Variants in SYNJ2 observed in about 807,000 individuals in gnomAD.
SYNJ2 encodes the protein polyphosphatidylinositol phosphatase SYNJ2.
SYNJ2 carries 116 observed loss-of-function variants against 141.3 expected under a neutral mutation model. That is an observed-to-expected ratio of 0.82 (90% confidence interval 0.71 to 0.96). SYNJ2 has a LOEUF of 0.96. Among genes scored for constraint, SYNJ2 ranks in the 40% least tolerant of loss-of-function variants. The probability of loss-of-function intolerance (pLI) is 0.00; values close to 1 mark genes in which losing one functional copy is unlikely to be tolerated. For synonymous variants in SYNJ2, 745 were observed against 777.7 expected (o/e 0.96, Z 0.70); for missense variants, 1,873 against 1,934.8 (o/e 0.97, Z 0.60).
At chr6:158,072,586 C>T (rs544571371) in intron 15 of SYNJ2, among the ~76,000 whole-genome samples, 2 of 152,208 alleles carry the variant, frequency 1.3e-5, no homozygotes, top group Non-Finnish European at 2.9e-5. Context: ...TTAAAACTGA[C>T]GTCCCATTTT....
chr6:158,090,615 G>C (rs369484005), intron 25 of SYNJ2, among the ~76,000 whole-genome samples: 2 of 141,252 alleles, frequency 1.4e-5, no homozygotes. Flanking sequence ...CTCAATCCCA[G>C]GTCACTGCAA....
chr6:158,047,909 G>A (rs530678655), intron 5 of SYNJ2, among the ~76,000 whole-genome samples: 22 of 151,640 alleles, frequency 1.5e-4, no homozygotes, highest in Non-Finnish European at 2.6e-4. Context: ...GGTGGCATCC[G>A]GAGAAGCATG....
rs928604184 is a variant in SYNJ2, at chr6:158,071,208, G to A, written c.1941-394G>A. On this transcript the variant is annotated intron_variant, in intron 14 of 26. Transcript: ENST00000355585. This position sits in a 1 kb window ranked among gnomAD's most constrained non-coding sequence, Gnocchi z 4.3. ...AAAATAACAATAATAATTTAAAAAT[G>A]TGTTGATTGCCCAGATGACACCTCC... Among the ~76,000 whole-genome samples, 1 of 152,110 alleles carries A rather than the reference G, an allele frequency of 6.6e-6. No individual in the cohort carries two copies. The highest frequency in any genetic ancestry group is 1.9e-4 in the East Asian group (1 of 5,186).
intron 2 of SYNJ2, among the ~76,000 whole-genome samples, chr6:158,022,053 C>T (rs147267147): frequency 0.01 from 1,536 of 152,268 alleles, 14 homozygotes; most frequent in African/African-American, 0.03. Flanking sequence ...AGAAGGGAGG[C>T]GGGAGAAGGC....
At chr6:158,077,838 T>C (rs1782412779) in intron 17 of SYNJ2, 1 of 199,460 alleles carries the variant, frequency 5.0e-6, no homozygotes, top group Non-Finnish European at 1.0e-5. Flanking sequence ...CCTGCAGCTC[T>C]TACCATACCA....
intron 12 of SYNJ2, chr6:158,067,569 GT>G (rs1159355606): frequency 1.0e-6 from 1 of 985,250 alleles, no homozygotes; most frequent in African/African-American, 1.7e-5. Flanking sequence ...TTGTTTGTTT[GT>G]TTTTTGTTTT....
At position 158,063,659 on chromosome 6, in the gene SYNJ2, C is replaced by CAAAAA. The variant is rs71298907; in HGVS notation, c.1128-108_1128-104dup. 1.9e-3 allele frequency: 363 copies of CAAAAA among 188,682 alleles called. 1 individual carries two copies. The highest frequency in any genetic ancestry group is 2.4e-3 in the South Asian group (71 of 29,580). 11.7% of individuals were successfully genotyped at this position (188,682 alleles called of 1,614,324 possible). ...GGGTGACAGAGGTGAGACTCTGTCT[C>CAAAAA]AAAAAAAAAAAAAAAAAAAAAAAAA... On this transcript the variant is annotated intron_variant, in intron 8 of 26. Transcript: ENST00000355585.
At chr6:158,094,123 T>C (rs1783650889) in intron 26 of SYNJ2, 1 of 644,656 alleles carries the variant, frequency 1.6e-6, no homozygotes, top group Non-Finnish European at 2.8e-6. Context: ...TTGACAGCGC[T>C]TGCTTTGTAT....
Position 158,084,110 on chromosome 6 carries a change from A to T in SYNJ2, c.3144A>T (p.Thr1048=). ...ACCTCTCTGATGTCCCCGGCCCCAC[A>T]GCACTGGCTCCTCCCAGCAAGTCAC... ...GDDLSDVPGP[T]ALAPPSKSPA... Residue 1048 remains threonine, a synonymous_variant, in exon 22 of 27, where the codon ACA becomes ACT. Transcript: ENST00000355585. This position sits in a 1 kb window ranked among gnomAD's most constrained non-coding sequence, Gnocchi z 5.0. 1 of 1,614,166 alleles carries T rather than the reference A, an allele frequency of 6.2e-7. No homozygotes were observed. The highest frequency in any genetic ancestry group is 8.5e-7 in the Non-Finnish European group (1 of 1,180,018).
At chr6:158,021,266 A>G (rs1286009944) in intron 2 of SYNJ2, among the ~76,000 whole-genome samples, 1 of 152,152 alleles carries the variant, frequency 6.6e-6, no homozygotes, top group Non-Finnish European at 1.5e-5. Flanking sequence ...TAAATTCTCT[A>G]GCAGACAGCC....
chr6:158,066,403 T>C (rs970288173), intron 11 of SYNJ2, 41 bp from the exon 12 acceptor site: 28 of 1,610,426 alleles, frequency 1.7e-5, no homozygotes, highest in Non-Finnish European at 2.2e-5. Flanking sequence ...GCCTGAGCTT[T>C]GGAACTGCAA....
rs1361933584 is a variant in SYNJ2 at position 158,078,300 on chromosome 6, T to C, written c.2567+19T>C. 6.4e-7 allele frequency: 1 copy of C among 1,555,262 alleles called. No individual in the cohort carries two copies. The highest frequency in any genetic ancestry group is 1.7e-5 in the Admixed American group (1 of 59,644). ...ATCACAGGTGAGGTCCTGACTTCCA[T>C]GGCGTTTTCTCCTGTGCTGGGCAAG... On this transcript the variant is annotated intron_variant, in intron 18 of 26. Coordinates refer to ENST00000355585, the MANE Select transcript of SYNJ2 (RefSeq NM_003898.4).
intron 26 of SYNJ2, among the ~76,000 whole-genome samples, chr6:158,093,457 A>AAAAAAAC (rs1783604264): frequency 6.6e-6 from 1 of 151,324 alleles, no homozygotes; most frequent in African/African-American, 2.5e-5. Flanking sequence ...AAACAAAAAA[A>AAAAAAAC]AAAAAACAGA....
In SYNJ2 at chr6:158,083,486, C is replaced by T. The variant is rs201799213; in HGVS notation, c.2923C>T (p.Arg975Ter). ...PKTKDWLKGL[R>*]EEIIRKRDSM... The stretch of plus-strand genomic sequence containing the variant: ...GACCAAGGACTGGCTGAAAGGTTTG[C>T]GAGAGGAGATCATTCGGAAACGAGA... Residue 975 changes from arginine to a stop codon, truncating the protein, a stop_gained, in exon 21 of 27, where the codon CGA (arginine) becomes TGA (stop). Transcript: ENST00000355585. LOFTEE classifies it high-confidence loss of function. 37 of 1,613,978 alleles carry T rather than the reference C, an allele frequency of 2.3e-5. No individual in the cohort carries two copies. Among genetic ancestry groups the T allele is most frequent in the Admixed American group, 3.3e-5 (2 of 59,998 alleles).
At chr6:158,093,832 C>A in intron 26 of SYNJ2, 2 of 751,992 alleles carry the variant, frequency 2.7e-6, no homozygotes, top group South Asian at 1.4e-5. Flanking sequence ...CACATGCTCT[C>A]GTGCGGCCTC....
chr6:158,085,848 C>T (rs1243030260), intron 22 of SYNJ2, among the ~76,000 whole-genome samples: 2 of 152,018 alleles, frequency 1.3e-5, no homozygotes, highest in African/African-American at 2.4e-5. Context: ...CGGAGCATCG[C>T]GGTGGTTCTG....
chr6:158,073,974 C>T (rs145991853), intron 15 of SYNJ2, among the ~76,000 whole-genome samples: 3 of 151,632 alleles, frequency 2.0e-5, no homozygotes, highest in Admixed American at 1.3e-4. Flanking sequence ...CCAGCCCTTG[C>T]GGACAGTTGA....
At chr6:158,089,425 A>G (rs904227661) in intron 24 of SYNJ2, among the ~76,000 whole-genome samples, 3 of 152,220 alleles carry the variant, frequency 2.0e-5, no homozygotes, top group African/African-American at 7.2e-5. Flanking sequence ...AGTGTTTTAC[A>G]GTAGTGAAAA....
chr6:158,017,430 C>A, intron 2 of SYNJ2, 140 bp downstream of exon 2: 1 of 1,044,476 alleles, frequency 9.6e-7, no homozygotes, highest in Non-Finnish European at 1.3e-6. Flanking sequence ...TTTTTTTTCT[C>A]CGAGATAGAG....
Sources: gnomAD v4.1 joint callset for allele counts (sites outside exome capture counted in the v4.1 genomes callset) on GRCh38, gnomAD v4.1.1 for gene constraint, Gnocchi (gnomAD v3.1) non-coding constraint, MANE v1.5 for transcripts, NCBI Gene and HGNC (gene_info 2026-07-23, HGNC 2026-07-21) for gene names.